ICMT: variants seen among roughly 807,000 people sequenced by gnomAD.
ICMT encodes the protein protein-S-isoprenylcysteine O-methyltransferase.
A neutral mutation model predicts 32.2 loss-of-function variants in ICMT; 10 were observed. The ratio of observed to expected loss-of-function variants is 0.31; its 90% confidence interval spans 0.19 to 0.53. ICMT has a LOEUF of 0.53. ICMT is among the 20% of genes least tolerant of loss of function. The probability of loss-of-function intolerance (pLI) is 0.96; values close to 1 mark genes in which losing one functional copy is unlikely to be tolerated. For synonymous variants in ICMT, 183 were observed against 158.2 expected (o/e 1.16, Z -1.18); for missense variants, 265 against 356.9 (o/e 0.74, Z 2.07).
Position 6,224,490 on chromosome 1 carries a change from C to G in ICMT, c.*590G>C, listed in dbSNP as rs981490922. Reference sequence around the variant, plus strand: ...GGAATACCCCTTTGAATGTGTACTGCTACTTATAAAAAATAGGTATGTAGC... The same window carrying G: ...GGAATACCCCTTTGAATGTGTACTGGTACTTATAAAAAATAGGTATGTAGC... On this transcript the variant is annotated 3_prime_UTR_variant, in exon 5 of 5. Transcript: ENST00000343813. 11 of 152,268 alleles carry G rather than the reference C, an allele frequency of 7.2e-5. No individual in the cohort carries two copies. The highest frequency in any genetic ancestry group is 2.7e-4 in the African/African-American group (11 of 41,424). 9.4% of individuals were successfully genotyped at this position (152,268 alleles called of 1,614,324 possible). A position where few individuals can be genotyped will look rare whatever the true frequency, so the allele number is the denominator to read the frequency against.
In ICMT at chr1:6,234,924, C is replaced by G. The variant is rs1376646641; in HGVS notation, c.246G>C (p.Leu82=). Residue 82 remains leucine, a synonymous_variant, in exon 2 of 5, where the codon CTG becomes CTC. Transcript: ENST00000343813. ...FLGFVFGCGT[L]LSFSQSSWSH... is the part of the protein sequence containing the mutation. ...TCCAAGAAGACTGGCTAAAACTTAG[C>G]AGCGTGCCGCAGCCGAACACAAACC... 2 of 1,614,010 alleles carry G rather than the reference C, an allele frequency of 1.2e-6. No homozygotes were observed. The highest frequency in any genetic ancestry group is 1.7e-5 in the Admixed American group (1 of 60,024).
chr1:6,224,921 C>T lies in ICMT; in HGVS notation c.*159G>A, dbSNP rs1015568020. 17 of 713,606 alleles carry T rather than the reference C, an allele frequency of 2.4e-5. No homozygotes were observed. Among genetic ancestry groups the T allele is most frequent in the Admixed American group, 9.5e-5 (4 of 41,910 alleles). The allele number at this position is 713,606 out of a possible 1,614,324, so 44.2% of individuals were successfully genotyped here. A position where few individuals can be genotyped will look rare whatever the true frequency, so the allele number is the denominator to read the frequency against. ...GACTGCTCCAGTGGGGCCTTGGGTC[C>T]TCAGGCCTTCTGACCGCTTGGTCTT... is the stretch of plus-strand genomic sequence containing the variant. On this transcript the variant is annotated 3_prime_UTR_variant, in exon 5 of 5. Transcript: ENST00000343813.
chr1:6,230,443 C>G (rs751622249), intron 4 of ICMT, among the ~76,000 whole-genome samples: 1 of 151,982 alleles, frequency 6.6e-6, no homozygotes, highest in Non-Finnish European at 1.5e-5. Context: ...ATTAGCCGGA[C>G]GTGGTGGCAA....
In ICMT at chr1:6,227,593, C is replaced by T. The variant is rs898526808; in HGVS notation, c.673-2331G>A. Reference sequence around the variant, plus strand: ...TAAGGCGGCCAGGCGCGATGGCTCACGCCTGTAATCCCAGCACTTTGGGAG... The same window carrying T: ...TAAGGCGGCCAGGCGCGATGGCTCATGCCTGTAATCCCAGCACTTTGGGAG... On this transcript the variant is annotated intron_variant, in intron 4 of 4. Transcript: ENST00000343813. Among the ~76,000 whole-genome samples the T allele has an allele frequency of 5.9e-5, 9 of 152,310 alleles. No individual in the cohort carries two copies. The South Asian group carries it at 6.2e-4, about 11-fold the overall frequency.
intron 2 of ICMT, 57 bp downstream of exon 2, chr1:6,234,829 G>A (rs1240033014): frequency 1.6e-6 from 2 of 1,264,414 alleles, no homozygotes; most frequent in Non-Finnish European, 2.3e-6. Flanking sequence ...TGCCGCTACA[G>A]ACCCTCTGAT....
chr1:6,225,918 G>A (rs901037022), intron 4 of ICMT, among the ~76,000 whole-genome samples: 2 of 151,504 alleles, frequency 1.3e-5, no homozygotes, highest in African/African-American at 4.9e-5. Context: ...GCAGTGGCGT[G>A]ATCATGGCTC....
intron 2 of ICMT, chr1:6,234,495 G>T (rs1258915985): frequency 2.0e-6 from 1 of 487,972 alleles, no homozygotes; most frequent in African/African-American, 2.0e-5. Context: ...TGGCTGTGGG[G>T]ATGCACTAGA....
chr1:6,235,042 T>C, intron 1 of ICMT, 68 bp from the exon 2 acceptor site: 1 of 1,317,800 alleles, frequency 7.6e-7, no homozygotes. Flanking sequence ...CTGCTGACCT[T>C]CCCGGAATAG....
chr1:6,230,435 T>C (rs1028083710), intron 4 of ICMT, among the ~76,000 whole-genome samples: 3 of 151,970 alleles, frequency 2.0e-5, no homozygotes, highest in African/African-American at 7.3e-5. Flanking sequence ...ATTTAAAAAT[T>C]AGCCGGACGT....
At chr1:6,229,872 CTTTT>C in intron 4 of ICMT, among the ~76,000 whole-genome samples, 1 of 151,582 alleles carries the variant, frequency 6.6e-6, no homozygotes, top group Non-Finnish European at 1.5e-5. Context: ...ACTTCTTTTT[CTTTT>C]TTTCTTTTTG....
Position 6,233,460 on chromosome 1 carries a change from T to A in ICMT, c.454+14A>T. 6.2e-7 allele frequency: 1 copy of A among 1,610,708 alleles called. No homozygotes were observed. ...CCCTTTTCCCCTCCAGAGGGGGACA[T>A]AAGGCACACGAACCTGGCCAAAAGA... On this transcript the variant is annotated intron_variant, in intron 3 of 4. Coordinates refer to ENST00000343813, the MANE Select transcript of ICMT (RefSeq NM_012405.4).
In ICMT at chr1:6,235,917, C is replaced by G. The variant is rs1668820422; in HGVS notation, c.-6G>C. The stretch of plus-strand genomic sequence containing the variant: ...CGCGCCGCGCAGCCCGCCATGGCGC[C>G]GGGCGGCGGACTAGCGGGCGGCGGC... On this transcript the variant is annotated 5_prime_UTR_variant, in exon 1 of 5. Coordinates refer to ENST00000343813, the MANE Select transcript of ICMT (RefSeq NM_012405.4). The G allele has an allele frequency of 1.1e-5, 12 of 1,081,156 alleles. No homozygotes were observed. The highest frequency in any genetic ancestry group is 1.3e-5 in the Non-Finnish European group (12 of 893,792). The allele number at this position is 1,081,156 out of a possible 1,614,324, so 67.0% of individuals were successfully genotyped here.
intron 4 of ICMT, among the ~76,000 whole-genome samples, chr1:6,228,403 C>T (rs1176748422): frequency 6.6e-6 from 1 of 150,684 alleles, no homozygotes; most frequent in Non-Finnish European, 1.5e-5. Context: ...AGTACGGTGG[C>T]GCGATCTCGG....
chr1:6,229,464 G>A (rs532060059), intron 4 of ICMT, among the ~76,000 whole-genome samples: 2 of 151,884 alleles, frequency 1.3e-5, no homozygotes, highest in East Asian at 1.9e-4. Context: ...GGCAACAAGA[G>A]TGAAACTCCA....
At chr1:6,225,865 T>C (rs544417009) in intron 4 of ICMT, among the ~76,000 whole-genome samples, 194 of 151,758 alleles carry the variant, frequency 1.3e-3, no homozygotes, top group African/African-American at 4.3e-3. Flanking sequence ...ACTTTGCCTC[T>C]TTTTTTTCCC....
chr1:6,231,783 C>G (rs1364216984), intron 4 of ICMT, 119 bp downstream of exon 4: 1 of 647,256 alleles, frequency 1.5e-6, no homozygotes, highest in Non-Finnish European at 2.6e-6. Flanking sequence ...CTCATGAATA[C>G]ACTGAAAACC....
Position 6,232,174 on chromosome 1 carries a change from C to T in ICMT, c.455-55G>A, listed in dbSNP as rs372389839. ...GGGAGTGAAAACACTGGCCTGAGCT[C>T]CCCTTCGCACTGCTTAAAATTAACC... On this transcript the variant is annotated intron_variant, in intron 3 of 4. Transcript: ENST00000343813. The T allele has an allele frequency of 2.8e-4, 358 of 1,271,048 alleles. 1 individual carries two copies. In the African/African-American group the frequency reaches 4.7e-3, roughly 17 times the overall value. 78.7% of individuals were successfully genotyped at this position (1,271,048 alleles called of 1,614,324 possible). A position where few individuals can be genotyped will look rare whatever the true frequency, so the allele number is the denominator to read the frequency against.
chr1:6,229,265 G>C (rs1170851734), intron 4 of ICMT, among the ~76,000 whole-genome samples: 1 of 152,132 alleles, frequency 6.6e-6, no homozygotes, highest in African/African-American at 2.4e-5. Context: ...GATCACCTGA[G>C]GTTGGGAGTT....
chr1:6,228,666 G>A (rs1455718595), intron 4 of ICMT, among the ~76,000 whole-genome samples: 1 of 151,808 alleles, frequency 6.6e-6, no homozygotes, highest in Non-Finnish European at 1.5e-5. Flanking sequence ...CTAATTCCTG[G>A]CCTCAAGCAA....
Sources: allele counts gnomAD v4.1 joint callset (sites outside exome capture counted in the v4.1 genomes callset), GRCh38; gene constraint gnomAD v4.1.1; transcripts MANE v1.5; gene names NCBI Gene and HGNC (gene_info 2026-07-23, HGNC 2026-07-21).